Variants in GBX1 observed in about 807,000 individuals in gnomAD.
GBX1 encodes the protein homeobox protein GBX-1.
In GBX1, 9 loss-of-function variants were observed where a neutral mutation model predicts 22.9. The ratio of observed to expected loss-of-function variants is 0.39; its 90% CI spans 0.24 to 0.69. The LOEUF (loss-of-function observed/expected upper bound fraction) is 0.69, where lower values mean the gene tolerates loss of function less well. Among genes scored for constraint, GBX1 ranks in the 30% least tolerant of loss-of-function variants. GBX1 has a pLI of 0.43. For synonymous variants in GBX1, 203 were observed against 227.3 expected, an observed-to-expected ratio of 0.89 and a Z score of 0.96; for missense variants, 494 against 509.2, an observed-to-expected ratio of 0.97 and a Z score of 0.29.
intron 1 of GBX1, among the ~76,000 whole-genome samples, chr7:151,155,589 T>G (rs1485591243): frequency 6.6e-6 from 1 of 152,098 alleles, no homozygotes; most frequent in Non-Finnish European, 1.5e-5. Flanking sequence ...TTTAGCATTC[T>G]TTACTCCAAG....
chr7:151,155,307 C>T (rs1282625018), intron 1 of GBX1, among the ~76,000 whole-genome samples: 2 of 152,124 alleles, frequency 1.3e-5, no homozygotes, highest in Non-Finnish European at 2.9e-5. Context: ...AAACACAGGT[C>T]ATTCCTCAAA....
At chr7:151,165,240 C>T (rs1404792828) in intron 1 of GBX1, among the ~76,000 whole-genome samples, 1 of 152,144 alleles carries the variant, frequency 6.6e-6, no homozygotes, top group African/African-American at 2.4e-5. Flanking sequence ...AGCCAATATA[C>T]TATATGATCC....
At chr7:151,163,202 T>C (rs1299116593) in intron 1 of GBX1, among the ~76,000 whole-genome samples, 1 of 152,012 alleles carries the variant, frequency 6.6e-6, no homozygotes, top group Non-Finnish European at 1.5e-5. Flanking sequence ...CTGCACCACA[T>C]CTTGCACACA....
At chr7:151,166,947 G>T in intron 1 of GBX1, 64 bp downstream of exon 1, 2 of 1,545,184 alleles carry the variant, frequency 1.3e-6, no homozygotes, top group Non-Finnish European at 1.8e-6. Context: ...TTCCGAGCAG[G>T]TTCCTGTCTG....
intron 1 of GBX1, among the ~76,000 whole-genome samples, chr7:151,152,308 T>C (rs1373764176): frequency 2.0e-5 from 3 of 152,112 alleles, no homozygotes; most frequent in Admixed American, 1.3e-4. Context: ...CTCCAGTGCA[T>C]AAGACATCTC....
At chr7:151,162,447 G>T (rs778600401) in intron 1 of GBX1, among the ~76,000 whole-genome samples, 1 of 151,988 alleles carries the variant, frequency 6.6e-6, no homozygotes, top group Non-Finnish European at 1.5e-5. Flanking sequence ...AAGTCTCCCC[G>T]GTCTCCTTGC....
chr7:151,167,542 G>C lies in GBX1; in HGVS notation c.7C>G (p.Arg3Gly). 6.9e-7 allele frequency: 1 copy of C among 1,455,582 alleles called. No homozygotes were observed. Among genetic ancestry groups the C allele is most frequent in the Non-Finnish European group, 9.0e-7 (1 of 1,116,044 alleles). 90.2% of individuals were successfully genotyped at this position (1,455,582 alleles called of 1,614,324 possible). The change falls in exon 1 of 2, where the codon CGG (arginine) becomes GGG (glycine). Residue 3 changes from arginine to glycine, a missense_variant. Transcript: ENST00000297537. The surrounding 1 kb of genome is among the most constrained non-coding windows in gnomAD (Gnocchi z 5.9). ...CCAGGGGCGCTACCGCCTCCGGCCC[G>C]CTGCATCTTGTTCGGAGCTGCGGCC... MQ[R>G]AGGGSAPGGN... is the part of the protein sequence containing the mutation.
chr7:151,156,900 G>A (rs374152452), intron 1 of GBX1, among the ~76,000 whole-genome samples: 14 of 146,122 alleles, frequency 9.6e-5, no homozygotes, highest in Admixed American at 2.1e-4. Context: ...CAGGAGAATC[G>A]CTTGAACCCA....
intron 1 of GBX1, among the ~76,000 whole-genome samples, chr7:151,163,848 G>C (rs1801213467): frequency 1.3e-5 from 2 of 152,122 alleles, no homozygotes; most frequent in African/African-American, 4.8e-5. Flanking sequence ...TTTCCCCACT[G>C]CTTCCCACAT....
At chr7:151,154,959 A>C (rs1046810726) in intron 1 of GBX1, among the ~76,000 whole-genome samples, 1 of 152,248 alleles carries the variant, frequency 6.6e-6, no homozygotes, top group Non-Finnish European at 1.5e-5. Context: ...AGGAAAAGCC[A>C]GAGGGAGTGG....
At chr7:151,155,325 C>T (rs1383567148) in intron 1 of GBX1, among the ~76,000 whole-genome samples, 1 of 152,144 alleles carries the variant, frequency 6.6e-6, no homozygotes, top group Non-Finnish European at 1.5e-5. Flanking sequence ...AAAAAAGAGA[C>T]ATATTTGCCA....
intron 1 of GBX1, among the ~76,000 whole-genome samples, chr7:151,155,423 T>A (rs971664799): frequency 2.6e-5 from 4 of 152,224 alleles, no homozygotes; most frequent in African/African-American, 9.6e-5. Flanking sequence ...TCTCCGATTG[T>A]TTAAAACAGC....
chr7:151,160,786 C>T (rs1306269372), intron 1 of GBX1, among the ~76,000 whole-genome samples: 1 of 152,186 alleles, frequency 6.6e-6, no homozygotes, highest in African/African-American at 2.4e-5. Flanking sequence ...ATAACTTTCT[C>T]CCAACAAGCT....
At position 151,148,513 on chromosome 7, in the gene GBX1, G is replaced by A. The variant is rs1477747469; in HGVS notation, c.*76C>T. 1.7e-5 allele frequency: 23 copies of A among 1,386,424 alleles called. No homozygotes were observed. The East Asian group carries it at 5.4e-4, about 32-fold the overall frequency. 85.9% of individuals were successfully genotyped at this position (1,386,424 alleles called of 1,614,324 possible). A position where few individuals can be genotyped will look rare whatever the true frequency, so the allele number is the denominator to read the frequency against. On this transcript the variant is annotated 3_prime_UTR_variant, in exon 2 of 2. Transcript: ENST00000297537. The surrounding 1 kb of genome is among the most constrained non-coding windows in gnomAD (Gnocchi z 5.1). ...GCAGAATCACAGTTGCAGCCCCTCT[G>A]GTCCACAGAACCCTGACAGTCTCAG...
chr7:151,156,676 G>T (rs1801139067), intron 1 of GBX1, among the ~76,000 whole-genome samples: 1 of 151,982 alleles, frequency 6.6e-6, no homozygotes, highest in Non-Finnish European at 1.5e-5. Context: ...ACCAGTCAGT[G>T]CTTCTTTTAT....
Position 151,167,665 on chromosome 7 carries a change from T to C in GBX1, c.-117A>G. On this transcript the variant is annotated 5_prime_UTR_variant, in exon 1 of 2. Coordinates refer to ENST00000297537, the MANE Select transcript of GBX1 (RefSeq NM_001098834.3). The surrounding 1 kb of genome is among the most constrained non-coding windows in gnomAD (Gnocchi z 5.9). ...TCGCTCCCTGGCTCCCGGGCCGAGG[T>C]GGCGGCGGGGCGCGGGCTCGGCGCA... The C allele has an allele frequency of 9.5e-7, 1 of 1,054,676 alleles. No individual in the cohort carries two copies. The highest frequency in any genetic ancestry group is 1.2e-6 in the Non-Finnish European group (1 of 861,494). The allele number at this position is 1,054,676 out of a possible 1,614,324, so 65.3% of individuals were successfully genotyped here.
chr7:151,155,382 T>C (rs1449611586), intron 1 of GBX1, among the ~76,000 whole-genome samples: 1 of 152,174 alleles, frequency 6.6e-6, no homozygotes, highest in African/African-American at 2.4e-5. Context: ...AATACAGAAT[T>C]ATTTCTCTGT....
In GBX1 at chr7:151,148,594, G is replaced by A; in HGVS notation, c.1087C>T (p.Pro363Ser). ...CTAAGTTCTTGGGTGCCCATTCAGG[G>A]CCGGGCCCCCTGCTCCATTTGTTGG... Reference protein sequence around the residue: ...QHQQMEQGARP With the variant: ...QHQQMEQGARS The change falls in exon 2 of 2, where the codon CCC (proline) becomes TCC (serine). Residue 363 changes from proline (P) to serine (S), a missense_variant. By Grantham distance (74) the Pro-to-Ser change is moderately conservative (BLOSUM62 -1). Around this residue, in one of 3 missense-constraint regions of GBX1, gnomAD observed 124 missense variants for 152.0 expected, o/e 0.82. Transcript: ENST00000297537. This position sits in a 1 kb window ranked among gnomAD's most constrained non-coding sequence, Gnocchi z 5.1. 1 of 1,612,818 alleles carries A rather than the reference G, an allele frequency of 6.2e-7. No homozygotes were observed. Among genetic ancestry groups the A allele is most frequent in the Non-Finnish European group, 8.5e-7 (1 of 1,178,994 alleles).
At chr7:151,158,680 A>G (rs1316639586) in intron 1 of GBX1, among the ~76,000 whole-genome samples, 1 of 152,172 alleles carries the variant, frequency 6.6e-6, no homozygotes, top group African/African-American at 2.4e-5. Context: ...CTCAGAACAC[A>G]GAACTACTCT....
Sources: allele counts gnomAD v4.1 joint callset (sites outside exome capture counted in the v4.1 genomes callset), GRCh38; gene constraint gnomAD v4.1.1; regional missense constraint gnomAD v4.1.1; non-coding constraint Gnocchi (gnomAD v3.1); transcripts MANE v1.5; gene names NCBI Gene and HGNC (gene_info 2026-07-23, HGNC 2026-07-21).